The following DAB1 variants were observed in gnomAD, a reference collection of about 807,000 sequenced individuals.
DAB1 encodes disabled homolog 1.
A neutral mutation model predicts 64.6 loss-of-function variants in DAB1; 15 were observed. That is an observed-to-expected ratio of 0.23 (90% confidence interval 0.16 to 0.36). DAB1 has a LOEUF of 0.36. Among genes scored for constraint, DAB1 ranks in the 10% least tolerant of loss-of-function variants. The probability of loss-of-function intolerance (pLI) is 1.00; values close to 1 mark genes in which losing one functional copy is unlikely to be tolerated. For synonymous variants in DAB1, 235 were observed against 251.9 expected, an observed-to-expected ratio of 0.93 and a Z score of 0.64; for missense variants, 596 against 706.7, an observed-to-expected ratio of 0.84 and a Z score of 1.78.
In DAB1 at chr1:58,093,395, C is replaced by T. The variant is rs150446576; in HGVS notation, n.387+57116G>A. Among the ~76,000 whole-genome samples the T allele has an allele frequency of 8.9e-3, 1,358 of 152,190 alleles. 26 individuals carry two copies. Among genetic ancestry groups the T allele is most frequent in the African/African-American group, 0.028 (1,183 of 41,514 alleles). ...TCTGGTAGGAACTGGGCCACACAAC[C>T]GGGAGGTAAGCAGAGGACGAGTGAG... On this transcript the variant is annotated intron_variant and non_coding_transcript_variant, in intron 5 of 20. Coordinates refer to the DAB1 transcript ENST00000485760.
At chr1:57,150,958 C>A (rs748474586) in intron 2 of DAB1, among the ~76,000 whole-genome samples, 6 of 152,108 alleles carry the variant, frequency 3.9e-5, no homozygotes, top group Admixed American at 6.5e-5. Flanking sequence ...CAGTTTGAAA[C>A]CAGCCTGGGC....
chr1:58,534,053 T>C, intron 1 of DAB1: 1 of 870,594 alleles, frequency 1.1e-6, no homozygotes, highest in Non-Finnish European at 2.0e-6. Context: ...AACAAACATT[T>C]GTCCATTCTG....
chr1:57,591,564 C>A (rs555334530), intron 7 of DAB1, among the ~76,000 whole-genome samples: 6 of 152,154 alleles, frequency 3.9e-5, no homozygotes, highest in African/African-American at 1.4e-4. Context: ...CGGTTCAAAT[C>A]CTGAAACTGC....
intron 12 of DAB1, among the ~76,000 whole-genome samples, chr1:57,014,636 G>A (rs1646365190): frequency 6.6e-6 from 1 of 152,094 alleles, no homozygotes; most frequent in South Asian, 2.1e-4. Context: ...TGTCAAACAG[G>A]TCTAACAAAA....
intron 7 of DAB1, among the ~76,000 whole-genome samples, chr1:57,468,478 T>C (rs1208527554): frequency 6.6e-6 from 1 of 152,204 alleles, no homozygotes; most frequent in African/African-American, 2.4e-5. Context: ...AGGGAGCTAC[T>C]ATAGAATTTT....
At chr1:57,278,869 C>G (rs1671676583) in intron 2 of DAB1, among the ~76,000 whole-genome samples, 1 of 152,222 alleles carries the variant, frequency 6.6e-6, no homozygotes. Context: ...CCTTCCTCAT[C>G]TGTAAACCTG....
At chr1:57,550,701 C>T (rs1426108366) in intron 7 of DAB1, among the ~76,000 whole-genome samples, 1 of 152,178 alleles carries the variant, frequency 6.6e-6, no homozygotes, top group Non-Finnish European at 1.5e-5. Flanking sequence ...GCTCATGTCT[C>T]TTCTTCTGAA....
At chr1:57,399,313 C>T (rs1054241870) in intron 1 of DAB1, among the ~76,000 whole-genome samples, 8 of 152,050 alleles carry the variant, frequency 5.3e-5, no homozygotes, top group Non-Finnish European at 1.2e-4. Flanking sequence ...ATAGCAGGTG[C>T]TTAATATTAA....
At chr1:58,132,722 A>G (rs1653703372) in intron 5 of DAB1, among the ~76,000 whole-genome samples, 1 of 152,084 alleles carries the variant, frequency 6.6e-6, no homozygotes, top group Admixed American at 6.5e-5. Context: ...CCTTCTACAT[A>G]TGGGAGAGCC....
chr1:58,415,876 G>A (rs1773080), intron 3 of DAB1, among the ~76,000 whole-genome samples: 12,845 of 152,150 alleles, frequency 0.084, 873 homozygotes, highest in East Asian at 0.31. Flanking sequence ...TGAGCAAGTC[G>A]CTCTGCTTCA....
At chr1:57,181,488 A>C (rs1378566672) in intron 2 of DAB1, among the ~76,000 whole-genome samples, 1 of 152,214 alleles carries the variant, frequency 6.6e-6, no homozygotes, top group Non-Finnish European at 1.5e-5. Flanking sequence ...ACAATCTATT[A>C]CACAACCTAA....
intron 7 of DAB1, among the ~76,000 whole-genome samples, chr1:57,475,318 A>G (rs2805873): frequency 0.87 from 132,139 of 152,084 alleles, 59,628 homozygotes; most frequent in East Asian, 0.99. Context: ...AAAAGACATC[A>G]GTCCGGATGT....
chr1:58,045,581 A>G (rs1570272254), intron 5 of DAB1, among the ~76,000 whole-genome samples: 1 of 152,052 alleles, frequency 6.6e-6, no homozygotes, highest in Non-Finnish European at 1.5e-5. Flanking sequence ...TGAATTCCTA[A>G]CCTGCCATTT....
intron 1 of DAB1, among the ~76,000 whole-genome samples, chr1:57,374,740 A>G (rs1680764066): frequency 6.6e-6 from 1 of 152,194 alleles, no homozygotes; most frequent in Non-Finnish European, 1.5e-5. Context: ...GAAATCTTTT[A>G]TAAAATACCT....
chr1:57,880,167 G>A (rs1569907754), intron 1 of DAB1: 1 of 151,284 alleles, frequency 6.6e-6, no homozygotes, highest in African/African-American at 2.4e-5. Flanking sequence ...GGTGAGTTTG[G>A]AACTGCAAAT....
intron 3 of DAB1, among the ~76,000 whole-genome samples, chr1:58,383,099 T>C (rs10749712): frequency 0.62 from 93,635 of 152,128 alleles, 30,434 homozygotes; most frequent in African/African-American, 0.85. Context: ...TCACTATACA[T>C]AAAGTATTTT....
In DAB1 at chr1:58,121,775, C is replaced by A. The variant is rs80340057; in HGVS notation, n.387+28736G>T. Among the ~76,000 whole-genome samples, 1,459 of 152,238 alleles carry A rather than the reference C, an allele frequency of 9.6e-3. 22 individuals are homozygous for A. Among genetic ancestry groups the A allele is most frequent in the African/African-American group, 0.033 (1,388 of 41,548 alleles). Reference sequence around the variant, plus strand: ...GAAACATTTGTTACCTCTAAGATACCAAGCATGGAATGTACATGCATACAT... The same window carrying A: ...GAAACATTTGTTACCTCTAAGATACAAAGCATGGAATGTACATGCATACAT... On this transcript the variant is annotated intron_variant and non_coding_transcript_variant, in intron 5 of 20. Coordinates refer to the DAB1 transcript ENST00000485760.
chr1:57,730,825 A>G (rs111672159), intron 6 of DAB1, among the ~76,000 whole-genome samples: 2 of 152,220 alleles, frequency 1.3e-5, no homozygotes, highest in African/African-American at 2.4e-5. Context: ...CCAGAAAATT[A>G]TAAGTGTTGG....
At chr1:57,912,043 G>T (rs1395088388) in intron 5 of DAB1, among the ~76,000 whole-genome samples, 1 of 152,184 alleles carries the variant, frequency 6.6e-6, no homozygotes, top group African/African-American at 2.4e-5. Flanking sequence ...TAAAGCCTGA[G>T]GGGGAGGGGA....
Sources: gnomAD v4.1 joint callset for allele counts (sites outside exome capture counted in the v4.1 genomes callset) on GRCh38, gnomAD v4.1.1 for gene constraint, MANE v1.5 for transcripts, NCBI Gene and HGNC (gene_info 2026-07-23, HGNC 2026-07-21) for gene names.